The following MDGA2 variants were observed in gnomAD, a reference collection of about 807,000 sequenced individuals.
The protein encoded by MDGA2 is MAM domain containing glycosylphosphatidylinositol anchor 2, also known as MAM domain-containing glycosylphosphatidylinositol anchor protein 2.
In MDGA2, 40 loss-of-function variants were observed where a neutral mutation model predicts 117.8. The observed-to-expected ratio is 0.34, with a 90% CI of 0.26 to 0.44. The LOEUF is 0.44. Among genes scored for constraint, MDGA2 ranks in the 20% least tolerant of loss-of-function variants. MDGA2 has a pLI of 1.00. For missense variants in MDGA2, 1,123 were observed against 1,250.6 expected (o/e 0.90, Z 1.54); for synonymous variants, 452 against 439.0 (o/e 1.03, Z -0.37).
At chr14:47,128,927 G>T (rs977536504) in intron 5 of MDGA2, among the ~76,000 whole-genome samples, 1 of 151,932 alleles carries the variant, frequency 6.6e-6, no homozygotes, top group Non-Finnish European at 1.5e-5. Context: ...CTGACCTCGT[G>T]ATCTGCCCAC....
chr14:47,639,708 C>T (rs1897387776), intron 1 of MDGA2, among the ~76,000 whole-genome samples: 1 of 152,114 alleles, frequency 6.6e-6, no homozygotes, highest in South Asian at 2.1e-4. Flanking sequence ...CCCAGTTCAG[C>T]TCCTACCAGA....
chr14:46,841,792 T>G lies in MDGA2; in HGVS notation c.*139A>C. On this transcript the variant is annotated 3_prime_UTR_variant, in exon 17 of 17. Transcript: ENST00000399232. ...TTTTTATCCCCAGTGCTTAAAAAAA[T>G]TTGTTTTTATTATTTTATTTTTGAG... The G allele has an allele frequency of 1.8e-6, 1 of 542,854 alleles. No homozygotes were observed. Among genetic ancestry groups the G allele is most frequent in the East Asian group, 3.1e-5 (1 of 32,752 alleles). The allele number at this position is 542,854 out of a possible 1,614,324, so 33.6% of individuals were successfully genotyped here. A position where few individuals can be genotyped will look rare whatever the true frequency, so the allele number is the denominator to read the frequency against.
chr14:47,000,377 TTATATATATATA>T (rs1162156512), intron 8 of MDGA2, among the ~76,000 whole-genome samples: 1 of 100,026 alleles, frequency 1.0e-5, no homozygotes, highest in Non-Finnish European at 2.2e-5. Flanking sequence ...ATATATATAT[TTATATATATATA>T]TTTATATATA....
At chr14:47,547,874 T>C (rs1338578703) in intron 1 of MDGA2, among the ~76,000 whole-genome samples, 1 of 152,184 alleles carries the variant, frequency 6.6e-6, no homozygotes, top group Non-Finnish European at 1.5e-5. Flanking sequence ...TATTATTAAA[T>C]ACGATTAATC....
intron 9 of MDGA2, among the ~76,000 whole-genome samples, chr14:46,922,636 A>G (rs1037860463): frequency 6.6e-5 from 10 of 152,206 alleles, no homozygotes; most frequent in African/African-American, 1.9e-4. Context: ...GACATTCTCA[A>G]ATACCCTAGG....
At chr14:46,842,759 G>C (rs545890297) in intron 16 of MDGA2, among the ~76,000 whole-genome samples, 1 of 152,272 alleles carries the variant, frequency 6.6e-6, no homozygotes, top group Admixed American at 6.5e-5. Flanking sequence ...ATCTAGGGGA[G>C]AATTGAGTTT....
At chr14:47,130,070 T>C (rs964431373) in intron 5 of MDGA2, among the ~76,000 whole-genome samples, 2 of 151,806 alleles carry the variant, frequency 1.3e-5, no homozygotes, top group African/African-American at 4.8e-5. Flanking sequence ...GTAGTTTCTT[T>C]TGCTGTGCAG....
chr14:47,665,895 C>T (rs1349561965), intron 1 of MDGA2, among the ~76,000 whole-genome samples: 2 of 149,270 alleles, frequency 1.3e-5, no homozygotes, highest in Non-Finnish European at 3.0e-5. Context: ...GCGCGGCCCC[C>T]TGCTCCATGG....
chr14:47,421,032 G>T (rs571124264), intron 1 of MDGA2, among the ~76,000 whole-genome samples: 1 of 152,168 alleles, frequency 6.6e-6, no homozygotes, highest in Non-Finnish European at 1.5e-5. Flanking sequence ...CTGAGAATAC[G>T]ATAGGAAGAG....
At chr14:47,537,573 TTAAAAAAAAAAAAAAAAAAAAAAAA>T (rs1330738717) in intron 1 of MDGA2, among the ~76,000 whole-genome samples, 1 of 57,110 alleles carries the variant, frequency 1.8e-5, no homozygotes, top group Non-Finnish European at 3.4e-5. Context: ...CTTCTCTCTG[TTAAAAAAAAAAAAAAAAAAAAAAAA>T]AAAAAAAAAA....
At chr14:47,040,670 T>C (rs770369741) in intron 7 of MDGA2, among the ~76,000 whole-genome samples, 2 of 152,198 alleles carry the variant, frequency 1.3e-5, no homozygotes, top group Non-Finnish European at 2.9e-5. Context: ...TAGCACCCTC[T>C]GTCTGCCCCA....
At chr14:47,195,112 C>G (rs913488395) in intron 3 of MDGA2, among the ~76,000 whole-genome samples, 1 of 151,924 alleles carries the variant, frequency 6.6e-6, no homozygotes, top group Non-Finnish European at 1.5e-5. Flanking sequence ...AGTACATATT[C>G]TATTTAAAAC....
chr14:47,241,727 G>T (rs967821557), intron 2 of MDGA2, among the ~76,000 whole-genome samples: 8 of 151,562 alleles, frequency 5.3e-5, no homozygotes, highest in African/African-American at 1.9e-4. Context: ...ATGTTTCATT[G>T]TATCATAAAA....
chr14:47,078,704 T>C (rs562196030), intron 6 of MDGA2, among the ~76,000 whole-genome samples: 23 of 152,316 alleles, frequency 1.5e-4, no homozygotes, highest in South Asian at 4.1e-4. Context: ...TGTTGACTAC[T>C]AAGCACAGCA....
chr14:47,212,046 C>T (rs987384983), intron 3 of MDGA2, among the ~76,000 whole-genome samples: 3 of 152,032 alleles, frequency 2.0e-5, no homozygotes, highest in East Asian at 3.9e-4. Flanking sequence ...CAATGAATGA[C>T]GTAAAAGTCA....
At chr14:47,501,487 T>C (rs568309763) in intron 1 of MDGA2, among the ~76,000 whole-genome samples, 43 of 152,302 alleles carry the variant, frequency 2.8e-4, no homozygotes, top group African/African-American at 9.9e-4. Flanking sequence ...TTAATGTTTA[T>C]TATGAGTTGA....
At chr14:47,340,373 C>T (rs1890585480) in intron 1 of MDGA2, among the ~76,000 whole-genome samples, 1 of 152,050 alleles carries the variant, frequency 6.6e-6, no homozygotes, top group Non-Finnish European at 1.5e-5. Context: ...TGTGGTCTTT[C>T]CCAGTCAGTA....
intron 1 of MDGA2, among the ~76,000 whole-genome samples, chr14:47,442,859 G>T (rs2000028): frequency 0.19 from 28,594 of 151,958 alleles, 3,405 homozygotes; most frequent in East Asian, 0.54. Flanking sequence ...ATGCTGTTTT[G>T]AGTAGCATGA....
chr14:47,589,421 C>T (rs1046135282), intron 1 of MDGA2, among the ~76,000 whole-genome samples: 1 of 151,926 alleles, frequency 6.6e-6, no homozygotes, highest in African/African-American at 2.4e-5. Flanking sequence ...GTCCCAGTAC[C>T]ATTATTAGTT....
Sources: allele counts gnomAD v4.1 joint callset (sites outside exome capture counted in the v4.1 genomes callset), GRCh38; gene constraint gnomAD v4.1.1; transcripts MANE v1.5; gene names NCBI Gene and HGNC (gene_info 2026-07-23, HGNC 2026-07-21).